Variants in KIFC2 observed in about 807,000 individuals in gnomAD.
The protein encoded by KIFC2 is kinesin family member C2.
Under a neutral mutation model 91.5 loss-of-function variants are expected in KIFC2, and 94 were observed. The observed-to-expected ratio is 1.03, with a 90% confidence interval of 0.87 to 1.22. The LOEUF (loss-of-function observed/expected upper bound fraction) is 1.22, where lower values mean the gene tolerates loss of function less well. Ranked by LOEUF, KIFC2 falls within the 50% of genes most tolerant of loss-of-function variation. KIFC2 has a pLI of 0.00. For missense variants in KIFC2, 1,357 were observed against 1,103.3 expected, an observed-to-expected ratio of 1.23 and a Z score of -3.26; for synonymous variants, 729 against 503.9, an observed-to-expected ratio of 1.45 and a Z score of -5.98.
At chr8:144,470,914 A>T (rs1306523925) in intron 12 of KIFC2, among the ~76,000 whole-genome samples, 1 of 152,092 alleles carries the variant, frequency 6.6e-6, no homozygotes, top group South Asian at 2.1e-4. Flanking sequence ...GTAAGCTCCA[A>T]TCATACCCAG....
Position 144,469,471 on chromosome 8 carries a change from G to A in KIFC2, c.1223-19G>A, listed in dbSNP as rs374566835. ...TTTAGGGTCTGCGAGGCATTATGCTGACCTGATCCCCACTGCAGGAAATAT... is the reference window on the plus strand; with the variant it reads ...TTTAGGGTCTGCGAGGCATTATGCTAACCTGATCCCCACTGCAGGAAATAT... On this transcript the variant is annotated intron_variant, in intron 11 of 17. Coordinates refer to ENST00000645548, the MANE Select transcript of KIFC2 (RefSeq NM_001369769.2). The A allele has an allele frequency of 4.3e-5, 70 of 1,613,928 alleles. No homozygotes were observed. The African/African-American group carries it at 6.1e-4, about 14-fold the overall frequency.
intron 10 of KIFC2, 68 bp from the exon 11 acceptor site, chr8:144,469,203 C>A: frequency 7.7e-7 from 1 of 1,307,082 alleles, no homozygotes; most frequent in Non-Finnish European, 1.1e-6. Flanking sequence ...CTCTCAGGAC[C>A]CTCCCACCCC....
Position 144,472,882 on chromosome 8 carries a change from C to G in KIFC2, c.1949C>G (p.Ala650Gly). 6.6e-7 allele frequency: 1 copy of G among 1,525,030 alleles called. No individual in the cohort carries two copies. The highest frequency in any genetic ancestry group is 8.7e-7 in the Non-Finnish European group (1 of 1,150,826). The allele number at this position is 1,525,030 out of a possible 1,614,324, so 94.5% of individuals were successfully genotyped here. Residue 650 changes from alanine to glycine, a missense_variant, in exon 17 of 18, where the codon GCC becomes GGC. Ala to Gly is a moderately conservative substitution (Grantham distance 60). Coordinates refer to ENST00000645548, the MANE Select transcript of KIFC2 (RefSeq NM_001369769.2). ...AGPPRGDPDG[A>G]RRLREAQTIN... Reference sequence around the variant, plus strand: ...CCGCCGCGGGGAGACCCAGACGGCGCCCGGCGCCTGCGGGAGGCCCAGACC... The same window carrying G: ...CCGCCGCGGGGAGACCCAGACGGCGGCCGGCGCCTGCGGGAGGCCCAGACC...
Position 144,466,794 on chromosome 8 carries a change from A to G in KIFC2, c.134A>G (p.Asp45Gly), listed in dbSNP as rs1285374024. 7 of 1,535,482 alleles carry G rather than the reference A, an allele frequency of 4.6e-6. No homozygotes were observed. Among genetic ancestry groups the G allele is most frequent in the Non-Finnish European group, 6.1e-6 (7 of 1,148,110 alleles). ...AAGCCCCGGGGTCGCCGGCGCCCAG[A>G]CCTGCCCGCGCCAGAGCTGTGGACC... The part of the protein sequence containing the change: ...ARKPRGRRRP[D>G]LPAPELWTEL... The change falls in exon 2 of 18, where the codon GAC (aspartate) becomes GGC (glycine). Residue 45 changes from aspartate (D) to glycine (G), a missense_variant. Physicochemically the swap from Asp to Gly is moderately conservative, Grantham distance 94. Coordinates refer to ENST00000645548, the MANE Select transcript of KIFC2 (RefSeq NM_001369769.2).
Position 144,466,804 on chromosome 8 carries a change from G to T in KIFC2, c.144G>T (p.Ala48=), listed in dbSNP as rs747577240. The change falls in exon 2 of 18, where the codon GCG becomes GCT. Residue 48 remains alanine (A), a synonymous_variant. Coordinates refer to ENST00000645548, the MANE Select transcript of KIFC2 (RefSeq NM_001369769.2). The stretch of plus-strand genomic sequence containing the variant: ...GTCGCCGGCGCCCAGACCTGCCCGC[G>T]CCAGAGCTGTGGACCGAGCTGACCG... ...PRGRRRPDLP[A]PELWTELTGL... is the part of the protein sequence containing the mutation. The T allele has an allele frequency of 3.4e-5, 53 of 1,537,200 alleles. No homozygotes were observed. The highest frequency in any genetic ancestry group is 4.6e-5 in the Non-Finnish European group (53 of 1,148,974).
At position 144,468,612 on chromosome 8, in the gene KIFC2, G is replaced by T; in HGVS notation, c.965G>T (p.Cys322Phe). The change falls in exon 9 of 18, where the codon TGC becomes TTC. Residue 322 changes from cysteine to phenylalanine, a missense_variant. Physicochemically the swap from Cys to Phe is radical, Grantham distance 205. Transcript: ENST00000645548. ...CTCCAGCAGGAGACGGAGCAGAACT[G>T]CAGGCGTGAGCTACAGCAGATGCAT... ...QQLQQETEQNCRRELQQMHGQ... is the reference protein window; with the variant it reads ...QQLQQETEQNFRRELQQMHGQ... The T allele has an allele frequency of 6.2e-7, 1 of 1,613,326 alleles. No homozygotes were observed. The highest frequency in any genetic ancestry group is 8.5e-7 in the Non-Finnish European group (1 of 1,179,650).
At position 144,466,941 on chromosome 8, in the gene KIFC2, C is replaced by T. The variant is rs183995594; in HGVS notation, c.179-18C>T. On this transcript the variant is annotated intron_variant, in intron 2 of 17. Coordinates refer to ENST00000645548, the MANE Select transcript of KIFC2 (RefSeq NM_001369769.2). ...CACGTGACCCGAAATGTCTCCCGCC[C>T]TCCTCCCTGACCGGCAGCCAGCTCC... 1.5e-5 allele frequency: 23 copies of T among 1,586,020 alleles called. No individual in the cohort carries two copies. In the African/African-American group the frequency reaches 1.6e-4, roughly 11 times the overall value.
In KIFC2 at chr8:144,472,457, C is replaced by T; in HGVS notation, c.1704C>T (p.Asp568=). Residue 568 remains aspartate (D), a synonymous_variant, in exon 15 of 18, where the codon GAC becomes GAT. Coordinates refer to ENST00000645548, the MANE Select transcript of KIFC2 (RefSeq NM_001369769.2). The stretch of plus-strand genomic sequence containing the variant: ...AGGTGGCTGGCCTCACCCACTGGGA[C>T]GTGCCCAACCTGGAGACATTGCACC... The part of the protein sequence containing the change: ...GIQVAGLTHW[D]VPNLETLHQM... The T allele has an allele frequency of 2.5e-6, 4 of 1,612,198 alleles. No homozygotes were observed. Among genetic ancestry groups the T allele is most frequent in the Non-Finnish European group, 3.4e-6 (4 of 1,179,582 alleles).
At position 144,473,913 on chromosome 8, in the gene KIFC2, G is replaced by A. The variant is rs1825051048; in HGVS notation, c.*524G>A. 3 of 433,752 alleles carry A rather than the reference G, an allele frequency of 6.9e-6. No homozygotes were observed. Among genetic ancestry groups the A allele is most frequent in the Non-Finnish European group, 1.2e-5 (3 of 243,238 alleles). The allele number at this position is 433,752 out of a possible 1,614,324, so 26.9% of individuals were successfully genotyped here. A position where few individuals can be genotyped will look rare whatever the true frequency, so the allele number is the denominator to read the frequency against. On this transcript the variant is annotated 3_prime_UTR_variant, in exon 18 of 18. Coordinates refer to ENST00000645548, the MANE Select transcript of KIFC2 (RefSeq NM_001369769.2). ...TCTCCCTCCCCCAGCCTGGAGCACG[G>A]GAGGGGAGGTGACGGCTGGTGACTG...
Position 144,474,161 on chromosome 8 carries a change from A to T in KIFC2, c.*772A>T. On this transcript the variant is annotated 3_prime_UTR_variant, in exon 18 of 18. Coordinates refer to ENST00000645548, the MANE Select transcript of KIFC2 (RefSeq NM_001369769.2). ...TTTCGAGGCTGCTGTGGTCGCAGAC[A>T]GCCGCCTCGCCTTGGCTCCCTGTCA... The T allele has an allele frequency of 1.7e-6, 2 of 1,178,758 alleles. No homozygotes were observed. Among genetic ancestry groups the T allele is most frequent in the Non-Finnish European group, 2.4e-6 (2 of 849,608 alleles). 73.0% of individuals were successfully genotyped at this position (1,178,758 alleles called of 1,614,324 possible).
rs1469577670 is a variant in KIFC2, at chr8:144,467,795, GA to G, written c.681+17del. 9.3e-6 allele frequency: 15 copies of G among 1,613,522 alleles called. No individual in the cohort carries two copies. Among genetic ancestry groups the G allele is most frequent in the Non-Finnish European group, 1.2e-5 (14 of 1,179,986 alleles). On this transcript the variant is annotated intron_variant, in intron 6 of 17. Transcript: ENST00000645548. ...CCTGGGCGTGGTGAGGCTGCAGGGA[GA>G]CCTGGCAGGGCCGGGCATGGAGGGG...
chr8:144,466,524 CG>C lies in KIFC2; in HGVS notation c.99+10del. 1 of 1,231,292 alleles carries C rather than the reference CG, an allele frequency of 8.1e-7. No homozygotes were observed. The highest frequency in any genetic ancestry group is 1.6e-5 in the African/African-American group (1 of 62,452). 76.3% of individuals were successfully genotyped at this position (1,231,292 alleles called of 1,614,324 possible). A position where few individuals can be genotyped will look rare whatever the true frequency, so the allele number is the denominator to read the frequency against. On this transcript the variant is annotated splice_region_variant and intron_variant, in intron 1 of 17. Transcript: ENST00000645548. ...AGCCCGGGGACCCCGCCCAGGTGAG[CG>C]GGGCTGGCCGTGCAGCCCGTCGTCT...
intron 7 of KIFC2, 146 bp from the exon 8 acceptor site, chr8:144,468,183 G>T: frequency 9.8e-7 from 1 of 1,017,696 alleles, no homozygotes; most frequent in Non-Finnish European, 1.4e-6. Flanking sequence ...GAGAGCAGAG[G>T]GACTGTGGGA....
Position 144,469,642 on chromosome 8 carries a change from G to A in KIFC2, c.1375G>A (p.Glu459Lys), listed in dbSNP as rs1336395457. 5.6e-6 allele frequency: 9 copies of A among 1,596,138 alleles called. No individual in the cohort carries two copies. Among genetic ancestry groups the A allele is most frequent in the Non-Finnish European group, 7.7e-6 (9 of 1,171,974 alleles). Residue 459 changes from glutamate (E) to lysine (K), a missense_variant, in exon 12 of 18, where the codon GAG becomes AAG. Coordinates refer to ENST00000645548, the MANE Select transcript of KIFC2 (RefSeq NM_001369769.2). ...DWVFPPDASQ[E>K]EVFRELEPAV... is the part of the protein sequence containing the mutation. ...GGTCTTCCCTCCAGACGCCAGCCAG[G>A]AGGAGGTGACAGCCTGCCTTTGCAG...
rs777452442 is a variant in KIFC2 at position 144,466,724 on chromosome 8, C to A, written c.100-36C>A. 9.5e-6 allele frequency: 14 copies of A among 1,474,320 alleles called. No homozygotes were observed. In the South Asian group the frequency reaches 1.7e-4, roughly 18 times the overall value. 91.3% of individuals were successfully genotyped at this position (1,474,320 alleles called of 1,614,324 possible). A position where few individuals can be genotyped will look rare whatever the true frequency, so the allele number is the denominator to read the frequency against. ...AGGGAAGGGGCCAGCAGGCTGCCTG[C>A]CCCCCTCCTCAGGGGCGCCCCTGCC... On this transcript the variant is annotated intron_variant, in intron 1 of 17. Coordinates refer to ENST00000645548, the MANE Select transcript of KIFC2 (RefSeq NM_001369769.2).
In KIFC2 at chr8:144,467,194, C is replaced by G. The variant is rs202237016; in HGVS notation, c.331-9C>G. 1.2e-6 allele frequency: 2 copies of G among 1,613,530 alleles called. No homozygotes were observed. Among genetic ancestry groups the G allele is most frequent in the East Asian group, 4.5e-5 (2 of 44,890 alleles). On this transcript the variant is annotated splice_polypyrimidine_tract_variant and intron_variant, in intron 3 of 17. Coordinates refer to ENST00000645548, the MANE Select transcript of KIFC2 (RefSeq NM_001369769.2). Reference sequence around the variant, plus strand: ...CACAGCCCTGCTCGGATTCTTGTCTCCTTCGCAGTCTGGCGAGGTCCCCTC... The same window carrying G: ...CACAGCCCTGCTCGGATTCTTGTCTGCTTCGCAGTCTGGCGAGGTCCCCTC...
At position 144,472,803 on chromosome 8, in the gene KIFC2, CACCTGGTGG is replaced by C. The variant is rs1326444492; in HGVS notation, c.1877_1885del (p.Val626_Leu628del). 6.3e-7 allele frequency: 1 copy of C among 1,589,288 alleles called. No individual in the cohort carries two copies. The highest frequency in any genetic ancestry group is 1.1e-5 in the South Asian group (1 of 90,302). ...CTCGCTCGCCCCTCTAGGCACGCTG[CACCTGGTGG>C]ACCTGGCGGGATCCGAACGCGCACG... On this transcript the variant is annotated inframe_deletion, in exon 17 of 18. Coordinates refer to ENST00000645548, the MANE Select transcript of KIFC2 (RefSeq NM_001369769.2).
At chr8:144,466,646 C>T in intron 1 of KIFC2, 114 bp from the exon 2 acceptor site, 1 of 1,014,978 alleles carries the variant, frequency 9.9e-7, no homozygotes, top group Non-Finnish European at 1.3e-6. Context: ...CTCGGCTCGG[C>T]CCCGATGCTG....
rs1824965221 is a variant in KIFC2 at position 144,472,411 on chromosome 8, CAGA to C, written c.1661_1663del (p.Glu554del). On this transcript the variant is annotated inframe_deletion, in exon 15 of 18. Coordinates refer to ENST00000645548, the MANE Select transcript of KIFC2 (RefSeq NM_001369769.2). ...GAGCGCCTGGCCGTGAGGCAGGGCC[CAGA>C]AGGCCAGGGCGGGATCCAGGTGGCT... The C allele has an allele frequency of 6.2e-7, 1 of 1,612,948 alleles. No individual in the cohort carries two copies. Among genetic ancestry groups the C allele is most frequent in the South Asian group, 1.1e-5 (1 of 91,070 alleles).
Sources: gnomAD v4.1 joint callset for allele counts (sites outside exome capture counted in the v4.1 genomes callset) on GRCh38, gnomAD v4.1.1 for gene constraint, MANE v1.5 for transcripts, NCBI Gene and HGNC (gene_info 2026-07-23, HGNC 2026-07-21) for gene names.